The following MGMT variants were observed in gnomAD, a reference collection of about 807,000 sequenced individuals.
MGMT encodes O-6-methylguanine-DNA methyltransferase.
In MGMT, 14 loss-of-function variants were observed where a neutral mutation model predicts 15.9. The ratio of observed to expected loss-of-function variants is 0.88; its 90% CI spans 0.58 to 1.37. The LOEUF is 1.37. MGMT is among the 40% of genes most tolerant of loss of function. The pLI, the probability that MGMT is intolerant of heterozygous loss-of-function variation, is 0.00. For synonymous variants in MGMT, 130 were observed against 118.2 expected (o/e 1.10, Z -0.65); for missense variants, 282 against 268.1 (o/e 1.05, Z -0.36).
chr10:129,503,579 AAAG>A (rs1483042812), intron 1 of MGMT, among the ~76,000 whole-genome samples: 1 of 152,252 alleles, frequency 6.6e-6, no homozygotes, highest in African/African-American at 2.4e-5. Flanking sequence ...GAAATTTAAA[AAAG>A]AGACTGTTTC....
intron 1 of MGMT, among the ~76,000 whole-genome samples, chr10:129,501,638 A>T (rs1589837886): frequency 1.3e-5 from 2 of 152,356 alleles, no homozygotes; most frequent in African/African-American, 2.4e-5. Context: ...AAGATAAGCA[A>T]CTGTGGGTTT....
chr10:129,548,636 C>T (rs916716229), intron 2 of MGMT, among the ~76,000 whole-genome samples: 1 of 152,314 alleles, frequency 6.6e-6, no homozygotes, highest in Middle Eastern at 3.4e-3. Context: ...TGCTGAAAGC[C>T]CCCTTGTTGG....
intron 1 of MGMT, among the ~76,000 whole-genome samples, chr10:129,508,486 T>TC (rs1394851733): frequency 6.6e-6 from 1 of 152,142 alleles, no homozygotes; most frequent in African/African-American, 2.4e-5. Flanking sequence ...TGCTGACCTC[T>TC]CTGGTATACA....
Position 129,716,960 on chromosome 10 carries a change from G to A in MGMT, c.274+8917G>A, listed in dbSNP as rs368215637. ...GCATATTTTACTAAGAAAAAAGGCC[G>A]CATTGACGCATGCATAACTCATTGG... On this transcript the variant is annotated intron_variant, in intron 3 of 4. Coordinates refer to ENST00000651593, the MANE Select transcript of MGMT (RefSeq NM_002412.5). Among the ~76,000 whole-genome samples, 42 of 152,314 alleles carry A rather than the reference G, an allele frequency of 2.8e-4. No homozygotes were observed. In the East Asian group the frequency reaches 4.8e-3, roughly 17 times the overall value.
At chr10:129,741,130 A>G (rs1003834584) in intron 3 of MGMT, among the ~76,000 whole-genome samples, 2 of 152,064 alleles carry the variant, frequency 1.3e-5, no homozygotes, top group African/African-American at 4.8e-5. Context: ...CTTCCCCAAG[A>G]ACAGATTTGA....
intron 1 of MGMT, among the ~76,000 whole-genome samples, chr10:129,488,768 T>C (rs192221016): frequency 3.2e-4 from 48 of 152,316 alleles, no homozygotes; most frequent in African/African-American, 1.1e-3. Context: ...TCAGTTCTTT[T>C]TTAATATGAA....
intron 1 of MGMT, among the ~76,000 whole-genome samples, chr10:129,515,793 A>G (rs1537687): frequency 1 from 151,970 of 152,290 alleles, 75,826 homozygotes; most frequent in Middle Eastern, 1. Context: ...AGCGGGAGTA[A>G]TTACCCATGT....
chr10:129,500,686 A>T (rs1564835612), intron 1 of MGMT, among the ~76,000 whole-genome samples: 1 of 152,002 alleles, frequency 6.6e-6, no homozygotes, highest in Non-Finnish European at 1.5e-5. Flanking sequence ...AGTATCTGGG[A>T]TTACAGGTAC....
chr10:129,637,628 G>C (rs565063604), intron 2 of MGMT, among the ~76,000 whole-genome samples: 3 of 152,090 alleles, frequency 2.0e-5, no homozygotes, highest in African/African-American at 7.2e-5. Flanking sequence ...TCAGTACGTC[G>C]GAGCGTGACT....
In MGMT at chr10:129,531,920, C is replaced by T. The variant is rs116268442; in HGVS notation, c.-12-4321C>T. Among the ~76,000 whole-genome samples the T allele has an allele frequency of 8.0e-3, 1,224 of 152,200 alleles. 16 individuals are homozygous for T. Among genetic ancestry groups the T allele is most frequent in the African/African-American group, 0.028 (1,174 of 41,504 alleles). Reference sequence around the variant, plus strand: ...ATTCACTTCCTCATGCTTCACATACCTAAATAATTAGCCAGTTGGATATGG... The same window carrying T: ...ATTCACTTCCTCATGCTTCACATACTTAAATAATTAGCCAGTTGGATATGG... On this transcript the variant is annotated intron_variant, in intron 1 of 4. Transcript: ENST00000651593.
rs1032084421 is a variant in MGMT at position 129,533,437 on chromosome 10, A to C, written c.-12-2804A>C. Among the ~76,000 whole-genome samples the C allele has an allele frequency of 6.6e-6, 1 of 151,978 alleles. No individual in the cohort carries two copies. The highest frequency in any genetic ancestry group is 2.1e-4 in the South Asian group (1 of 4,816). On this transcript the variant is annotated intron_variant, in intron 1 of 4. Coordinates refer to ENST00000651593, the MANE Select transcript of MGMT (RefSeq NM_002412.5). The surrounding 1 kb of genome is among the most constrained non-coding windows in gnomAD (Gnocchi z 4.5). Reference sequence around the variant, plus strand: ...CTCCGACAGCCTGCAGCCCTGCCCGAACTGGGATGATAGAGCAGCAAACAT... The same window carrying C: ...CTCCGACAGCCTGCAGCCCTGCCCGCACTGGGATGATAGAGCAGCAAACAT...
chr10:129,536,705 G>C (rs1290520930), intron 2 of MGMT: 1 of 197,708 alleles, frequency 5.1e-6, no homozygotes, highest in Non-Finnish European at 1.0e-5. Flanking sequence ...TGGGTTCTTC[G>C]GCATATGTCT....
chr10:129,578,162 A>G (rs1455825125), intron 2 of MGMT, among the ~76,000 whole-genome samples: 1 of 152,206 alleles, frequency 6.6e-6, no homozygotes, highest in Non-Finnish European at 1.5e-5. Context: ...ATACCATTTG[A>G]CCCAGCCATC....
chr10:129,516,759 T>C (rs892270108), intron 1 of MGMT, among the ~76,000 whole-genome samples: 1 of 151,700 alleles, frequency 6.6e-6, no homozygotes, highest in African/African-American at 2.4e-5. Context: ...TTGTTTCTAA[T>C]GAGATGGAAG....
intron 2 of MGMT, among the ~76,000 whole-genome samples, chr10:129,586,092 C>G (rs1478560677): frequency 6.6e-6 from 1 of 152,158 alleles, no homozygotes; most frequent in Non-Finnish European, 1.5e-5. Context: ...TTTCATCCCA[C>G]TACTCAGAAT....
intron 1 of MGMT, among the ~76,000 whole-genome samples, chr10:129,534,826 T>A (rs1222139560): frequency 6.6e-6 from 1 of 151,852 alleles, no homozygotes; most frequent in Non-Finnish European, 1.5e-5. Context: ...GAGCTGCCCT[T>A]CCAGGGGTCA....
At chr10:129,550,236 G>A (rs879235805) in intron 2 of MGMT, among the ~76,000 whole-genome samples, 28 of 150,314 alleles carry the variant, frequency 1.9e-4, no homozygotes, top group African/African-American at 6.4e-4. Context: ...CATCACCGCC[G>A]CCCAGCACTG....
At chr10:129,663,054 G>A (rs1238255288) in intron 2 of MGMT, among the ~76,000 whole-genome samples, 1 of 152,146 alleles carries the variant, frequency 6.6e-6, no homozygotes, top group Non-Finnish European at 1.5e-5. Flanking sequence ...TCCCGTCACA[G>A]ATACGTATTG....
At chr10:129,480,174 G>A (rs946459631) in intron 1 of MGMT, among the ~76,000 whole-genome samples, 6 of 152,180 alleles carry the variant, frequency 3.9e-5, no homozygotes, top group African/African-American at 1.4e-4. Context: ...AGCGCATCAA[G>A]AGAATCTGGC....
Sources: gnomAD v4.1 joint callset for allele counts (sites outside exome capture counted in the v4.1 genomes callset) on GRCh38, gnomAD v4.1.1 for gene constraint, Gnocchi (gnomAD v3.1) non-coding constraint, MANE v1.5 for transcripts, NCBI Gene and HGNC (gene_info 2026-07-23, HGNC 2026-07-21) for gene names.